FIGNL2: variants seen among roughly 807,000 people sequenced by gnomAD.
FIGNL2 encodes the protein fidgetin like 2, also known as fidgetin-like protein 2.
For missense variants in FIGNL2, 1,060 were observed against 950.2 expected, an observed-to-expected ratio of 1.12 and a Z score of -1.52; for synonymous variants, 565 against 484.0, an observed-to-expected ratio of 1.17 and a Z score of -2.20.
intron 1 of FIGNL2, among the ~76,000 whole-genome samples, chr12:51,829,477 A>T (rs1315688313): frequency 6.6e-6 from 1 of 152,184 alleles, no homozygotes; most frequent in Non-Finnish European, 1.5e-5. Flanking sequence ...CTCTTTCCCC[A>T]GTTCTGGGCC....
intron 1 of FIGNL2, chr12:51,828,362 G>A (rs978766962): frequency 1.3e-5 from 2 of 152,294 alleles, no homozygotes; most frequent in Middle Eastern, 3.4e-3. Flanking sequence ...TATTGTTCCT[G>A]CGGCAGCTCT....
chr12:51,826,500 G>A (rs1296675826), intron 1 of FIGNL2, among the ~76,000 whole-genome samples: 2 of 151,548 alleles, frequency 1.3e-5, no homozygotes, highest in Non-Finnish European at 2.9e-5. Flanking sequence ...TTAGCCGGGC[G>A]TGGTGGCAGG....
chr12:51,830,940 C>T (rs1388604989), intron 1 of FIGNL2, among the ~76,000 whole-genome samples: 1 of 152,146 alleles, frequency 6.6e-6, no homozygotes, highest in Non-Finnish European at 1.5e-5. Flanking sequence ...AGGTACATGC[C>T]ACCGAGCTTG....
At chr12:51,844,283 G>T (rs1175527233) in intron 1 of FIGNL2, among the ~76,000 whole-genome samples, 1 of 152,174 alleles carries the variant, frequency 6.6e-6, no homozygotes, top group Non-Finnish European at 1.5e-5. Context: ...GGGCTACAGA[G>T]GCAGGCCATG....
At chr12:51,832,673 C>T (rs1381726999) in intron 1 of FIGNL2, among the ~76,000 whole-genome samples, 1 of 152,186 alleles carries the variant, frequency 6.6e-6, no homozygotes, top group African/African-American at 2.4e-5. Flanking sequence ...TGCATGATCC[C>T]ATCCCATCTC....
chr12:51,841,110 G>T (rs1291828669), intron 1 of FIGNL2, among the ~76,000 whole-genome samples: 1 of 152,198 alleles, frequency 6.6e-6, no homozygotes, highest in Admixed American at 6.5e-5. Flanking sequence ...AGCCCTGGGG[G>T]GGCTGAGCCG....
chr12:51,821,848 T>C lies in FIGNL2; in HGVS notation c.566A>G (p.Gln189Arg). ...CCCGTACCCCGGAGGCGGTGGGGGC[T>C]GCAGGAGCGCGGCCGGGGGCGGCGG... ...LPPPPPAALL[Q>R]PPPPPGYGPS... The change falls in exon 2 of 2, where the codon CAG (glutamine) becomes CGG (arginine). Residue 189 changes from glutamine to arginine, a missense_variant. Gln to Arg is a conservative substitution (Grantham distance 43). Coordinates refer to ENST00000618634, the MANE Select transcript of FIGNL2 (RefSeq NM_001384995.1). The C allele has an allele frequency of 3.1e-6, 4 of 1,290,142 alleles. No homozygotes were observed. Among genetic ancestry groups the C allele is most frequent in the Non-Finnish European group, 3.9e-6 (4 of 1,022,216 alleles). The allele number at this position is 1,290,142 out of a possible 1,614,324, so 79.9% of individuals were successfully genotyped here. A position where few individuals can be genotyped will look rare whatever the true frequency, so the allele number is the denominator to read the frequency against.
intron 1 of FIGNL2, among the ~76,000 whole-genome samples, chr12:51,834,966 G>A (rs571411435): frequency 6.6e-6 from 1 of 152,326 alleles, no homozygotes; most frequent in Admixed American, 6.5e-5. Flanking sequence ...TTCTCCCAAG[G>A]TCATACAAGC....
chr12:51,821,715 C>CG lies in FIGNL2; in HGVS notation c.698dup (p.Leu235ProfsTer58), dbSNP rs1939203976. On this transcript the variant is annotated frameshift_variant, in exon 2 of 2. Transcript: ENST00000618634. LOFTEE classifies it low-confidence loss of function (END_TRUNC). ...GCAGGGGCGTGGGCGCGGGCAGGCC[C>CG]GGGGTCAGGTAGGGGGCCGGGGGTG... 9.0e-7 allele frequency: 1 copy of CG among 1,106,464 alleles called. No homozygotes were observed. The highest frequency in any genetic ancestry group is 5.4e-5 in the Admixed American group (1 of 18,418). 68.5% of individuals were successfully genotyped at this position (1,106,464 alleles called of 1,614,324 possible).
chr12:51,825,501 C>T (rs1321927493), intron 1 of FIGNL2, among the ~76,000 whole-genome samples: 2 of 152,170 alleles, frequency 1.3e-5, no homozygotes, highest in Non-Finnish European at 2.9e-5. Context: ...CTGTGGACTC[C>T]AGTAAGCCAC....
At chr12:51,845,373 A>C (rs546926952) in intron 1 of FIGNL2, 2 of 729,442 alleles carry the variant, frequency 2.7e-6, no homozygotes, top group Admixed American at 6.3e-5. Flanking sequence ...CCCTCACCAG[A>C]CAGCCAGCTC....
At chr12:51,848,083 C>A (rs913428623) in intron 1 of FIGNL2, 3 of 887,178 alleles carry the variant, frequency 3.4e-6, no homozygotes, top group Non-Finnish European at 4.0e-6. Flanking sequence ...CCCACCCCTC[C>A]CACACACACA....
chr12:51,847,475 T>C (rs1287609112), intron 1 of FIGNL2: 2 of 985,292 alleles, frequency 2.0e-6, no homozygotes, highest in Non-Finnish European at 2.4e-6. Context: ...TCTATTCTCC[T>C]CCAAATTAGG....
intron 1 of FIGNL2, among the ~76,000 whole-genome samples, chr12:51,843,245 G>A: frequency 6.6e-6 from 1 of 152,292 alleles, no homozygotes; most frequent in African/African-American, 2.4e-5. Flanking sequence ...ACACAGGTTT[G>A]TTAATAGTAA....
At chr12:51,831,827 G>A (rs1022238041) in intron 1 of FIGNL2, 1 of 154,068 alleles carries the variant, frequency 6.5e-6, no homozygotes, top group Non-Finnish European at 1.5e-5. Context: ...TCCCGTTTTA[G>A]GAAAAAAAGC....
In FIGNL2 at chr12:51,822,065, C is replaced by T. The variant is rs1268192301; in HGVS notation, c.349G>A (p.Gly117Arg). ...CCGCCGCCACCGCCCGATTTGGTTC[C>T]TGGGAGGCCTTCGTGGAGTGAGGCC... ...PLASLHEGLPGTKSGGGGGSG... is the reference protein window; with the variant it reads ...PLASLHEGLPRTKSGGGGGSG... The change falls in exon 2 of 2, where the codon GGA (glycine) becomes AGA (arginine). Residue 117 changes from glycine (G) to arginine (R), a missense_variant. Gly to Arg is a moderately radical substitution (Grantham distance 125). Transcript: ENST00000618634. 4.3e-6 allele frequency: 7 copies of T among 1,610,718 alleles called. No individual in the cohort carries two copies. Among genetic ancestry groups the T allele is most frequent in the East Asian group, 4.5e-5 (2 of 44,726 alleles).
At chr12:51,829,996 T>A (rs1433247991) in intron 1 of FIGNL2, among the ~76,000 whole-genome samples, 1 of 152,112 alleles carries the variant, frequency 6.6e-6, no homozygotes, top group Admixed American at 6.6e-5. Flanking sequence ...ACTTGAAGAT[T>A]ACTGAGAGTA....
At chr12:51,840,701 C>G (rs1939645325) in intron 1 of FIGNL2, among the ~76,000 whole-genome samples, 2 of 152,206 alleles carry the variant, frequency 1.3e-5, no homozygotes, top group South Asian at 4.1e-4. Context: ...CACCATTGTA[C>G]TCCAGCCTGG....
Position 51,820,562 on chromosome 12 carries a change from G to T in FIGNL2, c.1852C>A (p.Leu618Ile). Residue 618 changes from leucine to isoleucine, a missense_variant, in exon 2 of 2, where the codon CTC (leucine) becomes ATC (isoleucine). Physicochemically the swap from Leu to Ile is conservative, Grantham distance 5. Coordinates refer to ENST00000618634, the MANE Select transcript of FIGNL2 (RefSeq NM_001384995.1). Reference sequence around the variant, plus strand: ...GCCGCCTCCAGGTCCTTGTAGGAGAGGGGGCGCTGCAGCCCCGGGAGGCCC... The same window carrying T: ...GCCGCCTCCAGGTCCTTGTAGGAGATGGGGCGCTGCAGCCCCGGGAGGCCC... The part of the protein sequence containing the change: ...GAGLPGLQRP[L>I]SYKDLEAALA... 1 of 1,534,536 alleles carries T rather than the reference G, an allele frequency of 6.5e-7. No individual in the cohort carries two copies. The highest frequency in any genetic ancestry group is 1.2e-5 in the South Asian group (1 of 84,038).
Sources: gnomAD v4.1 joint callset for allele counts (sites outside exome capture counted in the v4.1 genomes callset) on GRCh38, gnomAD v4.1.1 for gene constraint, MANE v1.5 for transcripts, NCBI Gene and HGNC (gene_info 2026-07-23, HGNC 2026-07-21) for gene names.